The following SCLT1 variants were observed in gnomAD, a reference collection of about 807,000 sequenced individuals.
The protein encoded by SCLT1 is sodium channel-associated protein 1.
A neutral mutation model predicts 112.8 loss-of-function variants in SCLT1; 78 were observed. The ratio of observed to expected loss-of-function variants is 0.69; its 90% confidence interval spans 0.58 to 0.83. SCLT1 has a LOEUF of 0.83. Among genes scored for constraint, SCLT1 ranks in the 40% least tolerant of loss-of-function variants. SCLT1 has a pLI of 0.00. For synonymous variants in SCLT1, 257 were observed against 254.7 expected, an observed-to-expected ratio of 1.01 and a Z score of -0.09; for missense variants, 747 against 770.4, an observed-to-expected ratio of 0.97 and a Z score of 0.36.
chr4:129,016,351 GT>G (rs1245052589), intron 5 of SCLT1, among the ~76,000 whole-genome samples: 1 of 152,050 alleles, frequency 6.6e-6, no homozygotes, highest in Admixed American at 6.6e-5. Context: ...GCCCCAGTGT[GT>G]TGTTCTGCTC....
At chr4:129,026,855 A>G (rs1746144917) in intron 5 of SCLT1, among the ~76,000 whole-genome samples, 2 of 152,226 alleles carry the variant, frequency 1.3e-5, no homozygotes, top group South Asian at 4.1e-4. Context: ...GCAATAAAAA[A>G]TGATAAAGGG....
intron 2 of SCLT1, among the ~76,000 whole-genome samples, chr4:129,080,555 A>C (rs905128001): frequency 6.6e-6 from 1 of 152,190 alleles, no homozygotes; most frequent in African/African-American, 2.4e-5. Flanking sequence ...CCTCTTCTCC[A>C]TCTGAGGCCT....
rs184372581 is a variant in SCLT1 at position 128,972,202 on chromosome 4, T to G, written c.687-1734A>C. Reference sequence around the variant, plus strand: ...TCTACCAGTTATAAAATCCTATATATTTTTAAAGGAAAAACTTAAGGAATA... The same window carrying G: ...TCTACCAGTTATAAAATCCTATATAGTTTTAAAGGAAAAACTTAAGGAATA... On this transcript the variant is annotated intron_variant, in intron 9 of 20. Coordinates refer to ENST00000281142, the MANE Select transcript of SCLT1 (RefSeq NM_144643.4). 26 of 152,098 alleles carry G rather than the reference T, an allele frequency of 1.7e-4. No individual in the cohort carries two copies. In the East Asian group the frequency reaches 4.8e-3, roughly 28 times the overall value. The allele number at this position is 152,098 out of a possible 1,614,324, so 9.4% of individuals were successfully genotyped here.
At chr4:129,045,566 G>T (rs895071135) in intron 2 of SCLT1, among the ~76,000 whole-genome samples, 1 of 151,796 alleles carries the variant, frequency 6.6e-6, no homozygotes, top group Non-Finnish European at 1.5e-5. Context: ...AGTAGTTCAA[G>T]AAATTAATTA....
chr4:128,928,765 G>C (rs1736509726), intron 18 of SCLT1, among the ~76,000 whole-genome samples: 1 of 152,000 alleles, frequency 6.6e-6, no homozygotes, highest in African/African-American at 2.4e-5. Context: ...CCAGGTGGCA[G>C]AGGTTGCAGT....
chr4:128,950,566 T>C lies in SCLT1; in HGVS notation c.1219-1996A>G, dbSNP rs145274095. 6.7e-3 allele frequency among the ~76,000 whole-genome samples: 1,021 copies of C among 152,228 alleles called. 12 individuals carry two copies. The highest frequency in any genetic ancestry group is 0.024 in the African/African-American group (978 of 41,554). On this transcript the variant is annotated intron_variant, in intron 14 of 20. Transcript: ENST00000281142. ...GGAAAATATGACAAAATAATAGATA[T>C]TTTTTCAGGTACTCATGGAGTATTT...
chr4:128,973,290 AT>A (rs970822584), intron 9 of SCLT1, among the ~76,000 whole-genome samples: 43 of 152,272 alleles, frequency 2.8e-4, no homozygotes, highest in Middle Eastern at 3.4e-3. Context: ...TTCATAAAAA[AT>A]ATACAATGTA....
At chr4:129,035,000 T>C (rs538020062) in intron 5 of SCLT1, among the ~76,000 whole-genome samples, 3 of 152,246 alleles carry the variant, frequency 2.0e-5, no homozygotes, top group African/African-American at 4.8e-5. Flanking sequence ...AGAATAGTCA[T>C]TTCTGTCTAT....
intron 18 of SCLT1, among the ~76,000 whole-genome samples, chr4:128,921,044 A>G (rs887444874): frequency 1.1e-4 from 17 of 152,098 alleles, no homozygotes; most frequent in Non-Finnish European, 1.3e-4. Context: ...CAAGAACACA[A>G]TCCCATTCAC....
At position 129,093,063 on chromosome 4, in the gene SCLT1, AGCTTACTTT is replaced by A. The variant is rs762581631; in HGVS notation, c.32_34+6del. On this transcript the variant is annotated splice_donor_variant and splice_donor_5th_base_variant and coding_sequence_variant and intron_variant, in exon 1 of 21. Coordinates refer to ENST00000281142, the MANE Select transcript of SCLT1 (RefSeq NM_144643.4). LOFTEE classifies it high-confidence loss of function. ...TATATGAAGTCTCAAAAAAACATGG[AGCTTACTTT>A]GCTCTCTCAGAAAGTCGATTTCTGC... 2 of 1,606,036 alleles carry A rather than the reference AGCTTACTTT, an allele frequency of 1.2e-6. No individual in the cohort carries two copies. Among genetic ancestry groups the A allele is most frequent in the Non-Finnish European group, 1.7e-6 (2 of 1,172,594 alleles).
At chr4:128,879,997 C>T (rs193255029), downstream of SCLT1, among the ~76,000 whole-genome samples, 43 of 152,162 alleles carry the variant, frequency 2.8e-4, 1 homozygote, top group South Asian at 4.8e-3. Flanking sequence ...AGAGTTTTAA[C>T]AAACATAAAA....
At chr4:129,022,393 C>A (rs575843564) in intron 5 of SCLT1, among the ~76,000 whole-genome samples, 246 of 152,238 alleles carry the variant, frequency 1.6e-3, no homozygotes, top group African/African-American at 2.4e-3. Context: ...AAGCTAGGAA[C>A]CTTGACAAAA....
At chr4:128,988,728 C>T (rs186321557) in intron 9 of SCLT1, among the ~76,000 whole-genome samples, 11 of 151,792 alleles carry the variant, frequency 7.2e-5, no homozygotes, top group Non-Finnish European at 1.3e-4. Context: ...ATGCTGCCTA[C>T]GAGAAACTCA....
At chr4:129,007,591 C>T (rs919907089) in intron 5 of SCLT1, among the ~76,000 whole-genome samples, 1 of 152,074 alleles carries the variant, frequency 6.6e-6, no homozygotes, top group African/African-American at 2.4e-5. Context: ...TATTTTCTAT[C>T]CTTTTATTTT....
At chr4:129,063,130 C>T (rs1452535328) in intron 2 of SCLT1, among the ~76,000 whole-genome samples, 1 of 152,196 alleles carries the variant, frequency 6.6e-6, no homozygotes, top group African/African-American at 2.4e-5. Context: ...TTCAAGTTCA[C>T]AGATTATTTC....
At chr4:129,054,611 C>T (rs536162611) in intron 2 of SCLT1, among the ~76,000 whole-genome samples, 8 of 152,118 alleles carry the variant, frequency 5.3e-5, no homozygotes, top group South Asian at 2.1e-4. Flanking sequence ...AGGTCATTTA[C>T]GTTCTTCTCT....
intron 2 of SCLT1, among the ~76,000 whole-genome samples, chr4:129,055,902 C>G (rs1044327941): frequency 3.9e-5 from 6 of 152,130 alleles, no homozygotes; most frequent in African/African-American, 7.2e-5. Context: ...CCACCCAGTG[C>G]TGTCCTTGAA....
intron 12 of SCLT1, among the ~76,000 whole-genome samples, chr4:128,957,738 A>C (rs544869615): frequency 1.3e-5 from 2 of 152,148 alleles, no homozygotes; most frequent in African/African-American, 4.8e-5. Context: ...TACTCCCTTG[A>C]ATCAGGCTTT....
At chr4:128,898,102 T>G (rs1051054149) in intron 18 of SCLT1, among the ~76,000 whole-genome samples, 2 of 152,060 alleles carry the variant, frequency 1.3e-5, no homozygotes, top group African/African-American at 4.8e-5. Context: ...CTGTCAACAT[T>G]AGACAGATCA....
Sources: gnomAD v4.1 joint callset for allele counts (sites outside exome capture counted in the v4.1 genomes callset) on GRCh38, gnomAD v4.1.1 for gene constraint, MANE v1.5 for transcripts, NCBI Gene and HGNC (gene_info 2026-07-23, HGNC 2026-07-21) for gene names.